The following TDP1 variants were observed in gnomAD, a reference collection of about 807,000 sequenced individuals.
TDP1 encodes tyrosyl-DNA phosphodiesterase 1.
Under a neutral mutation model 81.5 loss-of-function variants are expected in TDP1, and 64 were observed. That is an observed-to-expected ratio of 0.79 (90% CI 0.64 to 0.97). The LOEUF (loss-of-function observed/expected upper bound fraction) is 0.97. Ranked by LOEUF, TDP1 falls within the 50% of genes least tolerant of loss-of-function variation. TDP1 has a pLI of 0.00. For synonymous variants in TDP1, 256 were observed against 264.3 expected, an observed-to-expected ratio of 0.97 and a Z score of 0.30; for missense variants, 723 against 743.8, an observed-to-expected ratio of 0.97 and a Z score of 0.33.
intron 8 of TDP1, among the ~76,000 whole-genome samples, chr14:89,980,996 G>A (rs1596545930): frequency 6.6e-6 from 1 of 152,250 alleles, no homozygotes; most frequent in African/African-American, 2.4e-5. Flanking sequence ...GCAGAAAAGG[G>A]GTTACAGAAT....
intron 8 of TDP1, 106 bp downstream of exon 8, chr14:89,980,738 AT>A (rs976520902): frequency 1.4e-5 from 13 of 913,300 alleles, no homozygotes; most frequent in Admixed American, 1.3e-4. Flanking sequence ...AGTTGTAAAA[AT>A]AACACACATG....
At chr14:89,989,191 G>GT in intron 11 of TDP1, 101 bp downstream of exon 11, 5 of 811,958 alleles carry the variant, frequency 6.2e-6, no homozygotes, top group Admixed American at 5.9e-5. Flanking sequence ...TTTATTCTGT[G>GT]ATTCTTTTTT....
At chr14:90,021,348 G>A (rs535818079) in intron 15 of TDP1, among the ~76,000 whole-genome samples, 1 of 152,292 alleles carries the variant, frequency 6.6e-6, no homozygotes, top group African/African-American at 2.4e-5. Flanking sequence ...TGTGATTATA[G>A]TGACTGTGGC....
intron 16 of TDP1, among the ~76,000 whole-genome samples, chr14:90,037,225 G>A (rs1191662570): frequency 6.6e-6 from 1 of 152,144 alleles, no homozygotes; most frequent in African/African-American, 2.4e-5. Context: ...AAAATAGACT[G>A]GTGTGTAATC....
intron 15 of TDP1, among the ~76,000 whole-genome samples, chr14:90,027,427 A>C (rs1272961295): frequency 6.6e-6 from 1 of 151,820 alleles, no homozygotes; most frequent in East Asian, 1.9e-4. Context: ...TTTGTGTGAC[A>C]TCAAGGTCCA....
At chr14:90,028,314 T>A (rs1886887770) in intron 15 of TDP1, among the ~76,000 whole-genome samples, 1 of 152,238 alleles carries the variant, frequency 6.6e-6, no homozygotes, top group Admixed American at 6.5e-5. Context: ...GTGTAGGGTT[T>A]TACCACTTGA....
chr14:89,965,991 T>A, intron 3 of TDP1, 156 bp from the exon 4 acceptor site: 1 of 571,682 alleles, frequency 1.7e-6, no homozygotes, highest in Non-Finnish European at 2.2e-6. Flanking sequence ...TTTTGAATTT[T>A]ATGAAACATT....
At chr14:89,996,629 G>C (rs1369509484) in intron 14 of TDP1, among the ~76,000 whole-genome samples, 1 of 152,194 alleles carries the variant, frequency 6.6e-6, no homozygotes, top group Non-Finnish European at 1.5e-5. Flanking sequence ...AGATGAGATG[G>C]TCATGTCTAC....
chr14:90,008,236 T>C (rs1227768864), intron 14 of TDP1, among the ~76,000 whole-genome samples: 2 of 152,346 alleles, frequency 1.3e-5, no homozygotes, highest in East Asian at 3.9e-4. Flanking sequence ...TGTCGGACCC[T>C]CTCATTCTAT....
Position 89,963,548 on chromosome 14 carries a change from A to C in TDP1, c.434A>C (p.Tyr145Ser). 6.2e-7 allele frequency: 1 copy of C among 1,611,038 alleles called. No individual in the cohort carries two copies. Residue 145 changes from tyrosine to serine, a missense_variant, in exon 3 of 17, where the codon TAT (tyrosine) becomes TCT (serine). Transcript: ENST00000335725. ...AGGCTCAAAGAGGAGGAAGACGAGTATGAGACATCAGGGGAGGGCCAGGAC... is the reference window on the plus strand; with the variant it reads ...AGGCTCAAAGAGGAGGAAGACGAGTCTGAGACATCAGGGGAGGGCCAGGAC... ...CHRLKEEEDE[Y>S]ETSGEGQDIW...
chr14:90,026,197 C>T (rs1886628424), intron 15 of TDP1, among the ~76,000 whole-genome samples: 1 of 152,218 alleles, frequency 6.6e-6, no homozygotes, highest in Admixed American at 6.5e-5. Flanking sequence ...AGAACTAATA[C>T]AGTTTACAAG....
Position 89,989,719 on chromosome 14 carries a change from C to T in TDP1, c.1320C>T (p.Ile440=). The T allele has an allele frequency of 6.2e-7, 1 of 1,608,592 alleles. No homozygotes were observed. The highest frequency in any genetic ancestry group is 8.5e-7 in the Non-Finnish European group (1 of 1,175,228). Residue 440 remains isoleucine (I), a splice_region_variant and synonymous_variant, in exon 12 of 17, where the codon ATC becomes ATT. Transcript: ENST00000335725. ...PGKSSVPLYL[I]YPSVENVRTS... is the part of the protein sequence containing the mutation. ...TATTGTTTTCCTCTTATTTTTAGAT[C>T]TATCCTTCTGTGGAAAATGTGCGGA...
chr14:90,000,947 A>G (rs1219507110), intron 14 of TDP1, among the ~76,000 whole-genome samples: 1 of 152,240 alleles, frequency 6.6e-6, no homozygotes, highest in Non-Finnish European at 1.5e-5. Context: ...TTACTTGGGT[A>G]TGTAGAGTTG....
At chr14:90,038,858 T>C (rs1888082642) in intron 16 of TDP1, among the ~76,000 whole-genome samples, 1 of 151,986 alleles carries the variant, frequency 6.6e-6, no homozygotes, top group Admixed American at 6.6e-5. Context: ...ATTGTTGATA[T>C]GTTTTATTTT....
At chr14:89,974,433 CTT>C (rs1026452738) in intron 6 of TDP1, among the ~76,000 whole-genome samples, 23 of 152,192 alleles carry the variant, frequency 1.5e-4, no homozygotes, top group Non-Finnish European at 1.5e-5. Flanking sequence ...GTTCCCTGCA[CTT>C]TCTTCTGTGG....
Position 89,957,988 on chromosome 14 carries a change from G to A in TDP1, c.-8+1188G>A, listed in dbSNP as rs115411074. On this transcript the variant is annotated intron_variant, in intron 2 of 16. Transcript: ENST00000335725. The stretch of plus-strand genomic sequence containing the variant: ...CACTATGACTGCATGCTCAGCCCGC[G>A]AGGAGTCGGTTTGTGAGTGAGTGAG... 4.5e-3 allele frequency among the ~76,000 whole-genome samples: 685 copies of A among 152,298 alleles called. 10 individuals carry two copies. The highest frequency in any genetic ancestry group is 0.016 in the African/African-American group (667 of 41,554).
intron 9 of TDP1, 96 bp from the exon 10 acceptor site, chr14:89,985,036 C>G: frequency 1.5e-6 from 2 of 1,322,198 alleles, no homozygotes; most frequent in Non-Finnish European, 2.1e-6. Context: ...TAGATCATTT[C>G]TTGATTATAT....
At chr14:90,033,831 A>T (rs1323179735) in intron 16 of TDP1, among the ~76,000 whole-genome samples, 2 of 152,206 alleles carry the variant, frequency 1.3e-5, no homozygotes, top group East Asian at 3.9e-4. Context: ...TTGGAGGCCG[A>T]GGCAGGAATA....
chr14:90,029,373 A>AT (rs1487169237), intron 15 of TDP1, among the ~76,000 whole-genome samples: 1 of 149,862 alleles, frequency 6.7e-6, no homozygotes, highest in Non-Finnish European at 1.5e-5. Flanking sequence ...AATTTTTTGT[A>AT]TTTTTAGTAG....
Sources: gnomAD v4.1 joint callset for allele counts (sites outside exome capture counted in the v4.1 genomes callset) on GRCh38, gnomAD v4.1.1 for gene constraint, MANE v1.5 for transcripts, NCBI Gene and HGNC (gene_info 2026-07-23, HGNC 2026-07-21) for gene names.